MACROD2: variants seen among roughly 807,000 people sequenced by gnomAD.
MACROD2 encodes ADP-ribose glycohydrolase MACROD2.
In MACROD2, 36 loss-of-function variants were observed where a neutral mutation model predicts 70.4. That is an observed-to-expected ratio of 0.51 (90% CI 0.39 to 0.68). The LOEUF is 0.68. Ranked by LOEUF, MACROD2 falls within the 30% of genes least tolerant of loss-of-function variation. The pLI, the probability that MACROD2 is intolerant of heterozygous loss-of-function variation, is 0.00. For synonymous variants in MACROD2, 172 were observed against 178.8 expected, an observed-to-expected ratio of 0.96 and a Z score of 0.30; for missense variants, 496 against 538.4, an observed-to-expected ratio of 0.92 and a Z score of 0.78.
At chr20:15,170,983 C>T (rs929251273) in intron 5 of MACROD2, among the ~76,000 whole-genome samples, 10 of 152,190 alleles carry the variant, frequency 6.6e-5, no homozygotes, top group South Asian at 6.2e-4. Flanking sequence ...TATGGCAGGG[C>T]GGTCGCTGTC....
At chr20:15,760,079 G>A (rs961537253) in intron 8 of MACROD2, among the ~76,000 whole-genome samples, 15 of 152,124 alleles carry the variant, frequency 9.9e-5, no homozygotes, top group Non-Finnish European at 1.6e-4. Flanking sequence ...TCAACCCCAC[G>A]TGAGCCAATC....
chr20:15,960,183 AG>A (rs1353221841), intron 12 of MACROD2, among the ~76,000 whole-genome samples: 1 of 152,184 alleles, frequency 6.6e-6, no homozygotes, highest in Non-Finnish European at 1.5e-5. Context: ...CTCTCATGTC[AG>A]GCCACCTTAG....
intron 5 of MACROD2, among the ~76,000 whole-genome samples, chr20:15,105,384 C>A (rs1038144998): frequency 6.6e-6 from 1 of 152,108 alleles, no homozygotes; most frequent in African/African-American, 2.4e-5. Flanking sequence ...CCTGAAATAA[C>A]CTCTGTGAAA....
At chr20:14,501,036 G>GA (rs11483849) in intron 4 of MACROD2, among the ~76,000 whole-genome samples, 33,476 of 143,118 alleles carry the variant, frequency 0.23, 4,120 homozygotes, top group South Asian at 0.34. Flanking sequence ...ATTTCTAAAT[G>GA]AAAAAAAAAA....
intron 6 of MACROD2, among the ~76,000 whole-genome samples, chr20:15,282,298 C>A (rs1179859695): frequency 6.6e-6 from 1 of 152,218 alleles, no homozygotes; most frequent in Non-Finnish European, 1.5e-5. Context: ...TTTCTGCAGC[C>A]AACTTGAATT....
chr20:15,777,390 C>A (rs1353491092), intron 8 of MACROD2, among the ~76,000 whole-genome samples: 2 of 150,942 alleles, frequency 1.3e-5, no homozygotes, highest in Non-Finnish European at 2.9e-5. Context: ...AAATACTAAT[C>A]TAGTCCAACT....
At chr20:14,362,211 G>T (rs759778158) in intron 3 of MACROD2, among the ~76,000 whole-genome samples, 6 of 152,194 alleles carry the variant, frequency 3.9e-5, no homozygotes, top group Middle Eastern at 6.8e-3. Flanking sequence ...ACTACATTCC[G>T]ATCATTGTTC....
At chr20:15,501,661 G>A (rs1035149004) in intron 8 of MACROD2, among the ~76,000 whole-genome samples, 1 of 152,114 alleles carries the variant, frequency 6.6e-6, no homozygotes, top group African/African-American at 2.4e-5. Context: ...GAGAAACTCA[G>A]TTATTGCTAT....
rs116004010 is a variant in MACROD2, at chr20:15,962,558, A to G, written c.908-4995A>G. 5.1e-3 allele frequency among the ~76,000 whole-genome samples: 773 copies of G among 152,314 alleles called. 6 individuals are homozygous for G. Among genetic ancestry groups the G allele is most frequent in the African/African-American group, 0.018 (741 of 41,568 alleles). ...GTTTGAAATTTGTGTTTTCTAATAG[A>G]AATCAAATTAATTGTGCATTATGGT... On this transcript the variant is annotated intron_variant, in intron 12 of 17. Transcript: ENST00000684519.
chr20:14,376,030 G>A (rs1237920415), intron 3 of MACROD2, among the ~76,000 whole-genome samples: 1 of 152,068 alleles, frequency 6.6e-6, no homozygotes, highest in African/African-American at 2.4e-5. Context: ...AAAATATCAG[G>A]TTGAGTTCTG....
chr20:15,601,535 G>A (rs557098334), intron 8 of MACROD2, among the ~76,000 whole-genome samples: 47 of 152,256 alleles, frequency 3.1e-4, no homozygotes, highest in African/African-American at 2.2e-4. Context: ...GATGTTTATT[G>A]GATGTTGACA....
chr20:15,184,124 CTGTTTA>C (rs1178679569), intron 5 of MACROD2, among the ~76,000 whole-genome samples: 1 of 152,186 alleles, frequency 6.6e-6, no homozygotes, highest in Non-Finnish European at 1.5e-5. Context: ...AAAAATTCAA[CTGTTTA>C]TAATACTGTG....
intron 6 of MACROD2, among the ~76,000 whole-genome samples, chr20:15,273,076 A>G (rs985900827): frequency 6.6e-6 from 1 of 152,178 alleles, no homozygotes; most frequent in African/African-American, 2.4e-5. Flanking sequence ...GATTGGATTG[A>G]AGGATACAAG....
intron 6 of MACROD2, among the ~76,000 whole-genome samples, chr20:15,414,216 A>T (rs116750387): frequency 1.2e-3 from 186 of 152,290 alleles, no homozygotes; most frequent in African/African-American, 4.2e-3. Flanking sequence ...GAATTGTGAA[A>T]GTTCTTAGTT....
chr20:14,426,016 G>A (rs2083928627), intron 3 of MACROD2, among the ~76,000 whole-genome samples: 1 of 152,110 alleles, frequency 6.6e-6, no homozygotes, highest in African/African-American at 2.4e-5. Flanking sequence ...CTGGAAGCTT[G>A]TAGTACACTA....
intron 7 of MACROD2, among the ~76,000 whole-genome samples, chr20:15,467,247 A>C (rs1041036409): frequency 1.1e-4 from 17 of 152,106 alleles, no homozygotes; most frequent in Admixed American, 9.2e-4. Flanking sequence ...AGACAAGCCA[A>C]CTCCGAAGTG....
chr20:14,854,863 A>G (rs1476782030), intron 5 of MACROD2, among the ~76,000 whole-genome samples: 1 of 152,056 alleles, frequency 6.6e-6, no homozygotes, highest in Non-Finnish European at 1.5e-5. Context: ...AAAATTACAG[A>G]AAATTAGCCG....
intron 4 of MACROD2, among the ~76,000 whole-genome samples, chr20:14,656,000 C>T (rs1367721531): frequency 2.0e-5 from 3 of 152,264 alleles, no homozygotes; most frequent in Admixed American, 6.5e-5. Flanking sequence ...GGTCCCCTGC[C>T]GCCTTCTATA....
At chr20:14,827,361 T>C (rs1245475626) in intron 5 of MACROD2, among the ~76,000 whole-genome samples, 1 of 152,160 alleles carries the variant, frequency 6.6e-6, no homozygotes, top group African/African-American at 2.4e-5. Flanking sequence ...TATTTTCCTC[T>C]ATCCAGCCCC....
Sources: gnomAD v4.1 joint callset for allele counts (sites outside exome capture counted in the v4.1 genomes callset) on GRCh38, gnomAD v4.1.1 for gene constraint, MANE v1.5 for transcripts, NCBI Gene and HGNC (gene_info 2026-07-23, HGNC 2026-07-21) for gene names.